SPAG9: variants seen among roughly 807,000 people sequenced by gnomAD.
SPAG9 encodes the protein C-Jun-amino-terminal kinase-interacting protein 4.
A neutral mutation model predicts 166.5 loss-of-function variants in SPAG9; 35 were observed. The ratio of observed to expected loss-of-function variants is 0.21; its 90% CI spans 0.16 to 0.28. The LOEUF (loss-of-function observed/expected upper bound fraction) is 0.28. SPAG9 is among the 10% of genes least tolerant of loss of function. The probability of loss-of-function intolerance (pLI) is 1.00; values close to 1 mark genes in which losing one functional copy is unlikely to be tolerated. For synonymous variants in SPAG9, 534 were observed against 565.5 expected, an observed-to-expected ratio of 0.94 and a Z score of 0.79; for missense variants, 1,235 against 1,603.3, an observed-to-expected ratio of 0.77 and a Z score of 3.92.
chr17:51,059,814 TCAC>T (rs1321910963), intron 2 of SPAG9, among the ~76,000 whole-genome samples: 3 of 151,656 alleles, frequency 2.0e-5, no homozygotes, highest in Non-Finnish European at 4.4e-5. Context: ...AACCAGAATC[TCAC>T]CACTTTTACC....
chr17:51,043,167 G>GCCA (rs1251826264), intron 4 of SPAG9, among the ~76,000 whole-genome samples: 1 of 152,134 alleles, frequency 6.6e-6, no homozygotes, highest in Non-Finnish European at 1.5e-5. Flanking sequence ...TAGGATTACA[G>GCCA]GTGTGAGCCA....
At chr17:51,077,069 G>GCTATCTAGCTAT (rs1568065651) in intron 2 of SPAG9, among the ~76,000 whole-genome samples, 2 of 120,892 alleles carry the variant, frequency 1.7e-5, no homozygotes, top group Admixed American at 8.2e-5. Context: ...TATCTAGCTA[G>GCTATCTAGCTAT]CTATCTAGCT....
At chr17:51,022,604 C>G (rs568907002) in intron 6 of SPAG9, among the ~76,000 whole-genome samples, 6 of 151,272 alleles carry the variant, frequency 4.0e-5, no homozygotes, top group African/African-American at 1.5e-4. Context: ...AAAAGAGAAA[C>G]TGACAAAAAG....
At chr17:51,046,846 TAACCATAGA>T in intron 4 of SPAG9, 2 of 1,531,358 alleles carry the variant, frequency 1.3e-6, no homozygotes, top group South Asian at 2.4e-5. Context: ...CCCCACCTCA[TAACCATAGA>T]GCTGCTGCTC....
At chr17:51,095,900 GAT>G (rs1338244028) in intron 1 of SPAG9, among the ~76,000 whole-genome samples, 1 of 139,622 alleles carries the variant, frequency 7.2e-6, no homozygotes, top group Non-Finnish European at 1.5e-5. Context: ...TATATACAGT[GAT>G]ATATATAGTG....
intron 2 of SPAG9, among the ~76,000 whole-genome samples, chr17:51,076,926 A>C (rs529335824): frequency 6.6e-6 from 1 of 152,024 alleles, no homozygotes; most frequent in East Asian, 1.9e-4. Flanking sequence ...TTTGAAGCCC[A>C]GAAGTGCGAG....
intron 15 of SPAG9, among the ~76,000 whole-genome samples, chr17:50,997,111 G>A (rs2044715338): frequency 6.6e-6 from 1 of 152,020 alleles, no homozygotes; most frequent in African/African-American, 2.4e-5. Flanking sequence ...ACTCCAGCCT[G>A]GGGGACAAGA....
At chr17:50,991,923 CTTT>C (rs1023810785) in intron 19 of SPAG9, among the ~76,000 whole-genome samples, 4 of 63,314 alleles carry the variant, frequency 6.3e-5, no homozygotes, top group Middle Eastern at 0.014. Context: ...CATGCCAGGT[CTTT>C]TTTTTTTTTT....
In SPAG9 at chr17:51,076,531, T is replaced by C. The variant is rs184928676; in HGVS notation, c.424+3053A>G. 2.9e-3 allele frequency among the ~76,000 whole-genome samples: 436 copies of C among 151,590 alleles called. 2 individuals carry two copies. Among genetic ancestry groups the C allele is most frequent in the Admixed American group, 6.5e-3 (99 of 15,230 alleles). On this transcript the variant is annotated intron_variant, in intron 2 of 29. Coordinates refer to ENST00000262013, the MANE Select transcript of SPAG9 (RefSeq NM_001130528.3). The stretch of plus-strand genomic sequence containing the variant: ...CAGGCGGATCACCTGAGGTTGGGAG[T>C]TCGAGACAAGCCTGGCCAACATGGT...
At chr17:51,098,912 C>T (rs1485276147) in intron 1 of SPAG9, among the ~76,000 whole-genome samples, 1 of 151,206 alleles carries the variant, frequency 6.6e-6, no homozygotes, top group Non-Finnish European at 1.5e-5. Context: ...CCATCCTGGC[C>T]AATATGCTGA....
intron 13 of SPAG9, among the ~76,000 whole-genome samples, chr17:51,000,509 G>A (rs751080676): frequency 1.3e-5 from 2 of 152,002 alleles, no homozygotes; most frequent in Non-Finnish European, 2.9e-5. Flanking sequence ...CGAGGCGGGC[G>A]GATCACTTGA....
At chr17:51,096,193 A>G (rs914018766) in intron 1 of SPAG9, among the ~76,000 whole-genome samples, 4 of 151,338 alleles carry the variant, frequency 2.6e-5, no homozygotes, top group Non-Finnish European at 5.9e-5. Flanking sequence ...TAAAAACACA[A>G]AAATCAGCCA....
At position 51,120,307 on chromosome 17, in the gene SPAG9, GC is replaced by G; in HGVS notation, c.303+46del. ...ACCGGGCCGCGACCCCGCCCCGGCCGCCCCCGGAGACGGATCCCGCGGCCCC... is the reference window on the plus strand; with the variant it reads ...ACCGGGCCGCGACCCCGCCCCGGCCGCCCCGGAGACGGATCCCGCGGCCCC... On this transcript the variant is annotated intron_variant, in intron 1 of 29. Transcript: ENST00000262013. This position sits in a 1 kb window ranked among gnomAD's most constrained non-coding sequence, Gnocchi z 4.7. 7.4e-7 allele frequency: 1 copy of G among 1,357,528 alleles called. No homozygotes were observed. Among genetic ancestry groups the G allele is most frequent in the African/African-American group, 1.5e-5 (1 of 66,616 alleles). 84.1% of individuals were successfully genotyped at this position (1,357,528 alleles called of 1,614,324 possible). A position where few individuals can be genotyped will look rare whatever the true frequency, so the allele number is the denominator to read the frequency against.
At chr17:51,106,102 T>TACACAC (rs71149344) in intron 1 of SPAG9, among the ~76,000 whole-genome samples, 6,772 of 110,574 alleles carry the variant, frequency 0.061, 280 homozygotes, top group Non-Finnish European at 0.076. Flanking sequence ...CCCCCATCTC[T>TACACAC]ACACACACAC....
At chr17:51,079,996 T>C (rs1183939946) in intron 1 of SPAG9, among the ~76,000 whole-genome samples, 1 of 152,220 alleles carries the variant, frequency 6.6e-6, no homozygotes, top group Middle Eastern at 3.2e-3. Flanking sequence ...CATATGCATC[T>C]TGACTTCCAG....
At chr17:51,076,706 A>T (rs1020560092) in intron 2 of SPAG9, among the ~76,000 whole-genome samples, 3 of 151,612 alleles carry the variant, frequency 2.0e-5, no homozygotes, top group Non-Finnish European at 4.4e-5. Flanking sequence ...ACTGCACTCC[A>T]GCCTGGGCGA....
intron 1 of SPAG9, among the ~76,000 whole-genome samples, chr17:51,087,168 C>T (rs769611413): frequency 5.3e-5 from 8 of 152,144 alleles, no homozygotes; most frequent in Non-Finnish European, 1.0e-4. Context: ...TTTTGGGCCA[C>T]TGTTTTGAGA....
chr17:51,105,793 C>A (rs568687919), intron 1 of SPAG9, among the ~76,000 whole-genome samples: 15 of 151,778 alleles, frequency 9.9e-5, no homozygotes, highest in African/African-American at 3.6e-4. Flanking sequence ...TGGCGTGAAC[C>A]CGGGAGATGG....
intron 12 of SPAG9, 22 bp downstream of exon 12, chr17:51,005,190 A>C: frequency 6.2e-7 from 1 of 1,611,256 alleles, no homozygotes; most frequent in Non-Finnish European, 8.5e-7. Context: ...GTAAGAAAAA[A>C]AGTCCAAAAT....
Sources: gnomAD v4.1 joint callset for allele counts (sites outside exome capture counted in the v4.1 genomes callset) on GRCh38, gnomAD v4.1.1 for gene constraint, Gnocchi (gnomAD v3.1) non-coding constraint, MANE v1.5 for transcripts, NCBI Gene and HGNC (gene_info 2026-07-23, HGNC 2026-07-21) for gene names.